CPNE8: variants seen among roughly 807,000 people sequenced by gnomAD.
CPNE8 encodes the protein copine 8.
CPNE8 carries 45 observed loss-of-function variants against 81.5 expected under a neutral mutation model. The ratio of observed to expected loss-of-function variants is 0.55; its 90% CI spans 0.44 to 0.71. CPNE8 has a LOEUF of 0.71. Among genes scored for constraint, CPNE8 ranks in the 30% least tolerant of loss-of-function variants. CPNE8 has a pLI of 0.00. For missense variants in CPNE8, 594 were observed against 672.1 expected (o/e 0.88, Z 1.28); for synonymous variants, 252 against 226.3 (o/e 1.11, Z -1.02).
chr12:38,888,536 C>T (rs940854920), intron 1 of CPNE8, among the ~76,000 whole-genome samples: 9 of 152,072 alleles, frequency 5.9e-5, no homozygotes, highest in African/African-American at 1.7e-4. Context: ...AGAATTTAAA[C>T]AGAAGAAGGA....
chr12:38,838,810 G>T (rs1203868515), intron 5 of CPNE8, among the ~76,000 whole-genome samples: 2 of 151,982 alleles, frequency 1.3e-5, no homozygotes, highest in African/African-American at 4.8e-5. Flanking sequence ...CTCCTTCAAT[G>T]AAGGGGGCAG....
At chr12:38,849,891 T>C (rs1490926032) in intron 3 of CPNE8, among the ~76,000 whole-genome samples, 1 of 152,214 alleles carries the variant, frequency 6.6e-6, no homozygotes, top group African/African-American at 2.4e-5. Context: ...TAATTCTGCA[T>C]GGTAGAACTA....
At chr12:38,839,390 C>T (rs1006952385) in intron 5 of CPNE8, among the ~76,000 whole-genome samples, 1 of 151,568 alleles carries the variant, frequency 6.6e-6, no homozygotes, top group African/African-American at 2.4e-5. Flanking sequence ...AAGGAGGGAC[C>T]CAAAAAAGAA....
intron 5 of CPNE8, among the ~76,000 whole-genome samples, chr12:38,837,859 T>G (rs1440838283): frequency 6.6e-6 from 1 of 152,112 alleles, no homozygotes; most frequent in Non-Finnish European, 1.5e-5. Flanking sequence ...AAGATAAAAT[T>G]TCTTACGATG....
chr12:38,705,919 A>G (rs149172872), intron 13 of CPNE8, among the ~76,000 whole-genome samples: 1 of 152,124 alleles, frequency 6.6e-6, no homozygotes, highest in Admixed American at 6.5e-5. Flanking sequence ...ATATATACAT[A>G]TATCATAAGA....
At chr12:38,682,961 C>G (rs980581030) in intron 16 of CPNE8, among the ~76,000 whole-genome samples, 1 of 152,032 alleles carries the variant, frequency 6.6e-6, no homozygotes, top group African/African-American at 2.4e-5. Flanking sequence ...AAATGCTGTT[C>G]CCCAGAGAGC....
At chr12:38,855,107 T>C (rs996897222) in intron 3 of CPNE8, among the ~76,000 whole-genome samples, 1 of 151,524 alleles carries the variant, frequency 6.6e-6, no homozygotes, top group Non-Finnish European at 1.5e-5. Flanking sequence ...TAACAACAAA[T>C]TATCTGAAAA....
chr12:38,775,423 G>A (rs1376907796), intron 7 of CPNE8, among the ~76,000 whole-genome samples: 2 of 152,100 alleles, frequency 1.3e-5, no homozygotes, highest in Middle Eastern at 3.2e-3. Context: ...TGGTATTTGG[G>A]GTGAGTTTCT....
chr12:38,693,684 A>T lies in CPNE8; in HGVS notation c.1116T>A (p.Asp372Glu), dbSNP rs759638746. The change falls in exon 15 of 20, where the codon GAT becomes GAA. Residue 372 changes from aspartate (D) to glutamate (E), a missense_variant. By Grantham distance (45) the Asp-to-Glu change is conservative. Transcript: ENST00000331366. ...ALGFGAKLPP[D>E]GRISHEFALN... ...AAGCAAATTCGTGAGATATCCTTCC[A>T]TCTGGAGGCAGTTTTGCACCAAATC... The T allele has an allele frequency of 1.9e-6, 3 of 1,611,114 alleles. No individual in the cohort carries two copies. Among genetic ancestry groups the T allele is most frequent in the Non-Finnish European group, 2.5e-6 (3 of 1,179,052 alleles).
At chr12:38,676,408 G>T in intron 17 of CPNE8, 1 of 558,278 alleles carries the variant, frequency 1.8e-6, no homozygotes, top group Non-Finnish European at 2.3e-6. Flanking sequence ...AGCTGACTTT[G>T]GGTATCTTTT....
At chr12:38,868,006 A>G (rs1401270802) in intron 3 of CPNE8, among the ~76,000 whole-genome samples, 1 of 152,164 alleles carries the variant, frequency 6.6e-6, no homozygotes, top group Non-Finnish European at 1.5e-5. Context: ...TTGTTTCAAT[A>G]CATTTTTAAG....
intron 10 of CPNE8, among the ~76,000 whole-genome samples, chr12:38,746,763 A>G (rs1004002618): frequency 6.6e-6 from 1 of 152,244 alleles, no homozygotes; most frequent in Admixed American, 6.5e-5. Flanking sequence ...CTTAATTTTT[A>G]CAGAGAATAA....
intron 10 of CPNE8, among the ~76,000 whole-genome samples, chr12:38,746,254 A>G (rs1941225568): frequency 6.6e-6 from 1 of 152,206 alleles, no homozygotes; most frequent in Non-Finnish European, 1.5e-5. Flanking sequence ...AAGATTACCT[A>G]AAGTCACGAA....
chr12:38,775,331 A>C (rs1941908796), intron 7 of CPNE8, among the ~76,000 whole-genome samples: 1 of 152,214 alleles, frequency 6.6e-6, no homozygotes. Flanking sequence ...TCTAAAAGTT[A>C]AAAAGACAAC....
intron 18 of CPNE8, among the ~76,000 whole-genome samples, chr12:38,671,437 G>A (rs1406348398): frequency 6.6e-6 from 1 of 152,090 alleles, no homozygotes; most frequent in East Asian, 1.9e-4. Context: ...ACATTTCCTA[G>A]ATCAGCTGGT....
intron 7 of CPNE8, among the ~76,000 whole-genome samples, chr12:38,773,241 C>G (rs369975960): frequency 1.6e-4 from 25 of 152,186 alleles, no homozygotes; most frequent in Middle Eastern, 3.4e-3. Flanking sequence ...CTACTATATA[C>G]AGTATAGTAC....
At chr12:38,687,208 C>T (rs1939551448) in intron 15 of CPNE8, among the ~76,000 whole-genome samples, 3 of 151,878 alleles carry the variant, frequency 2.0e-5, no homozygotes, top group Non-Finnish European at 2.9e-5. Flanking sequence ...GTAGGACTGC[C>T]ATTAACCCCA....
At chr12:38,830,701 T>C (rs1189609554) in intron 5 of CPNE8, among the ~76,000 whole-genome samples, 1 of 152,162 alleles carries the variant, frequency 6.6e-6, no homozygotes, top group African/African-American at 2.4e-5. Flanking sequence ...ACAAATCTAT[T>C]TAGTTTAGTA....
rs117838644 is a variant in CPNE8, at chr12:38,710,567, A to T, written c.915-7646T>A. Among the ~76,000 whole-genome samples, 21 of 152,320 alleles carry T rather than the reference A, an allele frequency of 1.4e-4. No individual in the cohort carries two copies. The East Asian group carries it at 3.5e-3, about 25-fold the overall frequency. On this transcript the variant is annotated intron_variant, in intron 13 of 19. Coordinates refer to ENST00000331366, the MANE Select transcript of CPNE8 (RefSeq NM_153634.3). ...ATAAAACTCTCAAGTACTTGCACATAGCAAATACTCTACATGCTGTAGGAC... is the reference window on the plus strand; with the variant it reads ...ATAAAACTCTCAAGTACTTGCACATTGCAAATACTCTACATGCTGTAGGAC...
Sources: gnomAD v4.1 joint callset for allele counts (sites outside exome capture counted in the v4.1 genomes callset) on GRCh38, gnomAD v4.1.1 for gene constraint, MANE v1.5 for transcripts, NCBI Gene and HGNC (gene_info 2026-07-23, HGNC 2026-07-21) for gene names.